The following GRIA4 variants were observed in gnomAD, a reference collection of about 807,000 sequenced individuals.
The protein encoded by GRIA4 is glutamate receptor 4.
GRIA4 carries 34 observed loss-of-function variants against 104.0 expected under a neutral mutation model. The ratio of observed to expected loss-of-function variants is 0.33; its 90% CI spans 0.25 to 0.44. The LOEUF (loss-of-function observed/expected upper bound fraction) is 0.44, where lower values mean the gene tolerates loss of function less well. Ranked by LOEUF, GRIA4 falls within the 20% of genes least tolerant of loss-of-function variation. The pLI, the probability that GRIA4 is intolerant of heterozygous loss-of-function variation, is 1.00. For synonymous variants in GRIA4, 386 were observed against 381.9 expected (o/e 1.01, Z -0.13); for missense variants, 750 against 1,096.5 (o/e 0.68, Z 4.46).
At position 105,642,333 on chromosome 11, in the gene GRIA4, A is replaced by C. The variant is rs116757459; in HGVS notation, c.247+29899A>C. Among the ~76,000 whole-genome samples the C allele has an allele frequency of 3.7e-3, 565 of 152,166 alleles. 3 individuals carry two copies. Among genetic ancestry groups the C allele is most frequent in the African/African-American group, 0.013 (525 of 41,514 alleles). The stretch of plus-strand genomic sequence containing the variant: ...TGCATCATTCATGGATCTTGATTGA[A>C]ATCCCTTATTTATGAAACAAGCTTG... On this transcript the variant is annotated intron_variant, in intron 3 of 16. Coordinates refer to ENST00000282499, the MANE Select transcript of GRIA4 (RefSeq NM_000829.4).
chr11:105,909,282 A>T (rs1947148352), intron 9 of GRIA4, among the ~76,000 whole-genome samples: 1 of 152,220 alleles, frequency 6.6e-6, no homozygotes, highest in Non-Finnish European at 1.5e-5. Flanking sequence ...GGCAAGTGAG[A>T]CTTCCAAAAC....
intron 3 of GRIA4, among the ~76,000 whole-genome samples, chr11:105,667,579 A>G (rs1324061862): frequency 6.6e-6 from 1 of 152,048 alleles, no homozygotes; most frequent in African/African-American, 2.4e-5. Context: ...TTTCAAATAC[A>G]AGAGGATTCA....
intron 9 of GRIA4, among the ~76,000 whole-genome samples, chr11:105,906,853 C>T (rs1947057999): frequency 6.6e-6 from 1 of 152,188 alleles, no homozygotes; most frequent in Non-Finnish European, 1.5e-5. Flanking sequence ...ATTAGAGATC[C>T]TCTGCTAGCT....
intron 7 of GRIA4, among the ~76,000 whole-genome samples, chr11:105,902,345 T>G (rs1430614044): frequency 6.6e-6 from 1 of 151,944 alleles, no homozygotes; most frequent in Non-Finnish European, 1.5e-5. Context: ...TTTTTTTTCT[T>G]TCTGAGACAG....
intron 3 of GRIA4, among the ~76,000 whole-genome samples, chr11:105,748,107 T>C (rs1378938615): frequency 6.6e-6 from 1 of 152,202 alleles, no homozygotes; most frequent in Non-Finnish European, 1.5e-5. Flanking sequence ...CTGCTCATGA[T>C]TTTACATTTG....
intron 3 of GRIA4, among the ~76,000 whole-genome samples, chr11:105,682,340 C>A (rs1165800368): frequency 6.6e-6 from 1 of 152,126 alleles, no homozygotes; most frequent in Non-Finnish European, 1.5e-5. Flanking sequence ...TCCACCTCGG[C>A]CTCCCAAGCA....
intron 3 of GRIA4, among the ~76,000 whole-genome samples, chr11:105,663,951 T>C (rs1221064384): frequency 6.6e-6 from 1 of 151,524 alleles, no homozygotes; most frequent in Non-Finnish European, 1.5e-5. Flanking sequence ...TGGAGATAGA[T>C]GCACTACATG....
intron 3 of GRIA4, among the ~76,000 whole-genome samples, chr11:105,723,886 A>C (rs574518898): frequency 1.3e-5 from 2 of 152,290 alleles, no homozygotes; most frequent in East Asian, 3.9e-4. Flanking sequence ...AAGAAGACAT[A>C]CAAATAGCCA....
intron 11 of GRIA4, among the ~76,000 whole-genome samples, chr11:105,924,059 T>C (rs1291735995): frequency 2.0e-5 from 3 of 152,162 alleles, no homozygotes; most frequent in African/African-American, 7.2e-5. Flanking sequence ...TTCAGCCATA[T>C]GGAAAGACTG....
chr11:105,977,584 G>T (rs1220189214), intron 16 of GRIA4, among the ~76,000 whole-genome samples: 2 of 151,858 alleles, frequency 1.3e-5, no homozygotes, highest in African/African-American at 2.4e-5. Flanking sequence ...CTCACTAAAG[G>T]GTTCTGACCC....
chr11:105,737,409 T>C (rs1939020683), intron 3 of GRIA4, among the ~76,000 whole-genome samples: 1 of 152,100 alleles, frequency 6.6e-6, no homozygotes, highest in Non-Finnish European at 1.5e-5. Flanking sequence ...AATATTTCCA[T>C]CTAGCCATGG....
intron 3 of GRIA4, among the ~76,000 whole-genome samples, chr11:105,733,601 C>G (rs192255822): frequency 6.6e-6 from 1 of 151,934 alleles, no homozygotes; most frequent in Non-Finnish European, 1.5e-5. Context: ...GGATTACAGG[C>G]GCCTGCCACC....
chr11:105,883,241 A>G (rs1177581983), intron 5 of GRIA4, among the ~76,000 whole-genome samples: 1 of 151,604 alleles, frequency 6.6e-6, no homozygotes, highest in Non-Finnish European at 1.5e-5. Flanking sequence ...AACTCTAAAC[A>G]GACGATCATT....
intron 3 of GRIA4, among the ~76,000 whole-genome samples, chr11:105,703,745 A>C (rs1301103243): frequency 2.0e-5 from 3 of 152,124 alleles, no homozygotes; most frequent in Non-Finnish European, 2.9e-5. Context: ...TAATTTGCTA[A>C]ACTGTCAAAC....
At chr11:105,732,131 C>A (rs1251528934) in intron 3 of GRIA4, among the ~76,000 whole-genome samples, 1 of 152,126 alleles carries the variant, frequency 6.6e-6, no homozygotes, top group East Asian at 1.9e-4. Context: ...GCTGAGGAAG[C>A]ATGAACAATA....
At chr11:105,971,086 C>T (rs1858666174) in intron 14 of GRIA4, among the ~76,000 whole-genome samples, 1 of 152,070 alleles carries the variant, frequency 6.6e-6, no homozygotes, top group South Asian at 2.1e-4. Context: ...TTACCTCTAA[C>T]CTGTCTGTCT....
At chr11:105,785,909 G>A (rs1941940946) in intron 4 of GRIA4, among the ~76,000 whole-genome samples, 1 of 152,046 alleles carries the variant, frequency 6.6e-6, no homozygotes, top group African/African-American at 2.4e-5. Context: ...ACTTTGGGAG[G>A]TCAAGGAGGG....
intron 3 of GRIA4, among the ~76,000 whole-genome samples, chr11:105,724,322 G>GAC (rs1356264923): frequency 1.8e-5 from 2 of 113,194 alleles, no homozygotes; most frequent in African/African-American, 2.8e-5. Context: ...AATAAAATGT[G>GAC]ACATATATAT....
chr11:105,672,149 G>T (rs987670083), intron 3 of GRIA4, among the ~76,000 whole-genome samples: 4 of 152,104 alleles, frequency 2.6e-5, no homozygotes, highest in African/African-American at 9.7e-5. Flanking sequence ...ATGGTGAAAG[G>T]TTATAAAAAT....
Sources: gnomAD v4.1 joint callset for allele counts (sites outside exome capture counted in the v4.1 genomes callset) on GRCh38, gnomAD v4.1.1 for gene constraint, MANE v1.5 for transcripts, NCBI Gene and HGNC (gene_info 2026-07-23, HGNC 2026-07-21) for gene names.